The following MED9 variants were observed in gnomAD, a reference collection of about 807,000 sequenced individuals.
The protein encoded by MED9 is mediator of RNA polymerase II transcription subunit 9.
A neutral mutation model predicts 13.2 loss-of-function variants in MED9; 8 were observed. The ratio of observed to expected loss-of-function variants is 0.61; its 90% CI spans 0.36 to 1.10. The LOEUF (loss-of-function observed/expected upper bound fraction) is 1.10. Among genes scored for constraint, MED9 ranks in the 50% least tolerant of loss-of-function variants. The pLI, the probability that MED9 is intolerant of heterozygous loss-of-function variation, is 0.02. For missense variants in MED9, 180 were observed against 193.4 expected (o/e 0.93, Z 0.41); for synonymous variants, 87 against 82.8 (o/e 1.05, Z -0.28).
chr17:17,477,053 T>G lies in MED9; in HGVS notation c.12T>G (p.Ala4=). ...CTACCCCCGGAGCCATGGCCTCTGC[T>G]GGGGTGGCAGCCGGGCGACAGGCGG... The part of the protein sequence containing the change: MAS[A]GVAAGRQAED... The change falls in exon 1 of 2, where the codon GCT becomes GCG. Residue 4 remains alanine, a synonymous_variant. Transcript: ENST00000268711. 1 of 1,606,406 alleles carries G rather than the reference T, an allele frequency of 6.2e-7. No homozygotes were observed. Among genetic ancestry groups the G allele is most frequent in the Non-Finnish European group, 8.5e-7 (1 of 1,179,690 alleles).
At chr17:17,484,234 C>T (rs1410417392) in intron 1 of MED9, among the ~76,000 whole-genome samples, 3 of 152,280 alleles carry the variant, frequency 2.0e-5, no homozygotes, top group East Asian at 1.9e-4. Context: ...AGTAATCTGT[C>T]GACATTGGGT....
chr17:17,480,503 C>T (rs919748015), intron 1 of MED9, among the ~76,000 whole-genome samples: 5 of 152,122 alleles, frequency 3.3e-5, no homozygotes, highest in Non-Finnish European at 7.3e-5. Flanking sequence ...AAGAAAGACA[C>T]GGGTCAGGCG....
intron 1 of MED9, among the ~76,000 whole-genome samples, chr17:17,481,571 G>A (rs570385952): frequency 1.8e-4 from 27 of 152,220 alleles, no homozygotes; most frequent in African/African-American, 5.8e-4. Context: ...AGATCACGTC[G>A]TACTTGACTT....
rs1108740 is a variant in MED9, at chr17:17,491,601, T to A, written c.*106T>A. On this transcript the variant is annotated 3_prime_UTR_variant, in exon 2 of 2. Transcript: ENST00000268711. ...TGGTTCCTGTGGACCCCAGCTCAGC[T>A]CGTCAAGCTGCAGGGGCGGGGCTCC... The A allele has an allele frequency of 0.034, 37,420 of 1,103,200 alleles. 1,533 individuals carry two copies. Among genetic ancestry groups the A allele is most frequent in the African/African-American group, 0.17 (11,183 of 64,292 alleles). 68.3% of individuals were successfully genotyped at this position (1,103,200 alleles called of 1,614,324 possible).
rs1369212793 is a variant in MED9 at position 17,477,026 on chromosome 17, A to G, written c.-16A>G. 6.2e-7 allele frequency: 1 copy of G among 1,603,754 alleles called. No homozygotes were observed. The highest frequency in any genetic ancestry group is 8.5e-7 in the Non-Finnish European group (1 of 1,179,570). On this transcript the variant is annotated 5_prime_UTR_variant, in exon 1 of 2. Coordinates refer to ENST00000268711, the MANE Select transcript of MED9 (RefSeq NM_018019.3). ...CTTTTGGCGACCCGACCTCTGGCTA[A>G]CCTACCCCCGGAGCCATGGCCTCTG...
At chr17:17,480,059 C>T (rs146328013) in intron 1 of MED9, among the ~76,000 whole-genome samples, 89 of 152,242 alleles carry the variant, frequency 5.8e-4, no homozygotes, top group African/African-American at 2.1e-3. Flanking sequence ...CCCCTCCAAG[C>T]GGCCGGGTGA....
rs4924857 is a variant in MED9 at position 17,479,901 on chromosome 17, G to T, written c.224+2636G>T. Among the ~76,000 whole-genome samples the T allele has an allele frequency of 4.6e-3, 693 of 152,296 alleles. 3 individuals are homozygous for T. The highest frequency in any genetic ancestry group is 0.015 in the African/African-American group (626 of 41,556). On this transcript the variant is annotated intron_variant, in intron 1 of 1. Transcript: ENST00000268711. Reference sequence around the variant, plus strand: ...TCATCTACCAACTCCTAAGCACCTGGTTTGTTAACCATGGCCTATCCCCAG... The same window carrying T: ...TCATCTACCAACTCCTAAGCACCTGTTTTGTTAACCATGGCCTATCCCCAG...
intron 1 of MED9, among the ~76,000 whole-genome samples, chr17:17,479,596 G>A (rs892120923): frequency 1.3e-5 from 2 of 151,776 alleles, no homozygotes; most frequent in South Asian, 2.1e-4. Flanking sequence ...AGGCTGAGGC[G>A]AGCCGGTCGC....
intron 1 of MED9, among the ~76,000 whole-genome samples, chr17:17,482,284 G>C (rs1905044571): frequency 6.6e-6 from 1 of 152,166 alleles, no homozygotes; most frequent in African/African-American, 2.4e-5. Flanking sequence ...TATGAGCAAA[G>C]AATGCCCTGA....
intron 1 of MED9, chr17:17,487,267 AAG>A (rs953581841): frequency 8.5e-5 from 13 of 152,352 alleles, no homozygotes; most frequent in Non-Finnish European, 1.5e-5. Context: ...GGGGCCAGAT[AAG>A]AGAATAAAAG....
chr17:17,492,584 C>T lies in MED9; in HGVS notation c.*1089C>T, dbSNP rs1905259344. 6.6e-6 allele frequency: 1 copy of T among 152,252 alleles called. No homozygotes were observed. The highest frequency in any genetic ancestry group is 1.5e-5 in the Non-Finnish European group (1 of 68,054). 9.4% of individuals were successfully genotyped at this position (152,252 alleles called of 1,614,324 possible). A position where few individuals can be genotyped will look rare whatever the true frequency, so the allele number is the denominator to read the frequency against. ...TTTCCCCAGCTTCCCTGATTTCTTC[C>T]AGATGGGACGTTTTATTTGTGTGCT... On this transcript the variant is annotated 3_prime_UTR_variant, in exon 2 of 2. Transcript: ENST00000268711.
intron 1 of MED9, among the ~76,000 whole-genome samples, chr17:17,481,590 G>C (rs1180428220): frequency 6.6e-6 from 1 of 152,114 alleles, no homozygotes; most frequent in African/African-American, 2.4e-5. Flanking sequence ...TTTTTTCACT[G>C]ATTAGTCTCT....
At chr17:17,479,804 A>T (rs950109998) in intron 1 of MED9, among the ~76,000 whole-genome samples, 3 of 152,164 alleles carry the variant, frequency 2.0e-5, no homozygotes, top group Non-Finnish European at 4.4e-5. Flanking sequence ...CCCTGTGTCA[A>T]AAATAAAAAG....
intron 1 of MED9, among the ~76,000 whole-genome samples, chr17:17,490,078 T>C (rs1314218897): frequency 2.6e-5 from 4 of 152,258 alleles, no homozygotes; most frequent in African/African-American, 4.8e-5. Flanking sequence ...GCTTACTGAA[T>C]TGCCTTTTAG....
intron 1 of MED9, among the ~76,000 whole-genome samples, chr17:17,481,121 C>T (rs1397049101): frequency 2.6e-5 from 4 of 152,240 alleles, no homozygotes; most frequent in Middle Eastern, 3.4e-3. Flanking sequence ...AAACAGAGTG[C>T]AGGTGTCTTC....
intron 1 of MED9, among the ~76,000 whole-genome samples, chr17:17,489,550 AC>A (rs1441185086): frequency 6.6e-6 from 1 of 152,226 alleles, no homozygotes; most frequent in Non-Finnish European, 1.5e-5. Context: ...GTATGTTAAC[AC>A]GCATGCCATC....
Position 17,477,202 on chromosome 17 carries a change from C to G in MED9, c.161C>G (p.Pro54Arg). The G allele has an allele frequency of 1.2e-6, 2 of 1,610,762 alleles. No individual in the cohort carries two copies. Among genetic ancestry groups the G allele is most frequent in the Non-Finnish European group, 1.7e-6 (2 of 1,178,244 alleles). The change falls in exon 1 of 2, where the codon CCT (proline) becomes CGT (arginine). Residue 54 changes from proline (P) to arginine (R), a missense_variant. Transcript: ENST00000268711. The stretch of plus-strand genomic sequence containing the variant: ...TCGCCGGCGCCACGGCCTCAGTCAC[C>G]TGCCCGCGCGAGGGAGGAAGAGAAC... ...QQSPAPRPQS[P>R]ARAREEENYS...
At chr17:17,488,987 T>C (rs1859060853) in intron 1 of MED9, among the ~76,000 whole-genome samples, 1 of 152,212 alleles carries the variant, frequency 6.6e-6, no homozygotes, top group African/African-American at 2.4e-5. Flanking sequence ...AACACAAAGG[T>C]AGGCCCACTT....
chr17:17,486,837 G>A (rs2142474800), intron 1 of MED9: 1 of 152,788 alleles, frequency 6.5e-6, no homozygotes, highest in East Asian at 1.9e-4. Context: ...GGGACGTGGA[G>A]AGTCTTTATG....
Sources: allele counts gnomAD v4.1 joint callset (sites outside exome capture counted in the v4.1 genomes callset), GRCh38; gene constraint gnomAD v4.1.1; transcripts MANE v1.5; gene names NCBI Gene and HGNC (gene_info 2026-07-23, HGNC 2026-07-21).